Variants in VPS13B observed in about 807,000 individuals in gnomAD.
VPS13B encodes intermembrane lipid transfer protein VPS13B.
In VPS13B, 285 loss-of-function variants were observed where a neutral mutation model predicts 426.4. The observed-to-expected ratio is 0.67, with a 90% CI of 0.61 to 0.74. The LOEUF (loss-of-function observed/expected upper bound fraction) is 0.74, where lower values mean the gene tolerates loss of function less well. Among genes scored for constraint, VPS13B ranks in the 30% least tolerant of loss-of-function variants. The pLI is 0.00. For synonymous variants in VPS13B, 1,676 were observed against 1,676.4 expected (o/e 1.00, Z 0.01); for missense variants, 4,537 against 4,782.6 (o/e 0.95, Z 1.51).
chr8:99,577,491 A>G lies in VPS13B; in HGVS notation c.5078A>G (p.Glu1693Gly). The G allele has an allele frequency of 6.2e-7, 1 of 1,613,700 alleles. No individual in the cohort carries two copies. The highest frequency in any genetic ancestry group is 8.5e-7 in the Non-Finnish European group (1 of 1,179,686). The stretch of plus-strand genomic sequence containing the variant: ...TGTATTCTACCGTTTTTGCTTCAGG[A>G]GATTTTAGTGTGTGGCCATTCCTTA... ...VVSPENLHTEEILVCGHSLEV... is the reference protein window; with the variant it reads ...VVSPENLHTEGILVCGHSLEV... The change falls in exon 33 of 62, where the codon GAG becomes GGG. Residue 1693 changes from glutamate (E) to glycine (G), a missense_variant and splice_region_variant. This residue lies in a region of VPS13B where 4,311 missense variants were observed against 4,474.3 expected (regional missense o/e 0.96). Transcript: ENST00000357162.
At chr8:99,381,203 G>C (rs979962159) in intron 19 of VPS13B, among the ~76,000 whole-genome samples, 2 of 152,138 alleles carry the variant, frequency 1.3e-5, no homozygotes, top group African/African-American at 4.8e-5. Context: ...ATGGCCTCCA[G>C]CTTTATCCAT....
chr8:99,231,305 T>C (rs1339385792), intron 17 of VPS13B, among the ~76,000 whole-genome samples: 3 of 152,112 alleles, frequency 2.0e-5, no homozygotes, highest in Non-Finnish European at 4.4e-5. Context: ...ATTTCTTTTG[T>C]TGTTGTTGTT....
chr8:99,703,419 T>TA (rs1832364518), intron 36 of VPS13B, among the ~76,000 whole-genome samples: 1 of 152,152 alleles, frequency 6.6e-6, no homozygotes, highest in East Asian at 1.9e-4. Flanking sequence ...GAATCTTTGG[T>TA]AAAATGACCC....
chr8:99,414,328 G>A (rs1273955197), intron 21 of VPS13B, among the ~76,000 whole-genome samples: 1 of 151,368 alleles, frequency 6.6e-6, no homozygotes, highest in Non-Finnish European at 1.5e-5. Context: ...ACATGAGATG[G>A]GTCTCTTGAA....
At chr8:99,428,976 T>C (rs1387032402) in intron 21 of VPS13B, among the ~76,000 whole-genome samples, 1 of 152,176 alleles carries the variant, frequency 6.6e-6, no homozygotes, top group Non-Finnish European at 1.5e-5. Context: ...TCATGTCCTT[T>C]GTAGGGACAT....
At chr8:99,056,556 G>A (rs1404956729) in intron 3 of VPS13B, among the ~76,000 whole-genome samples, 1 of 152,198 alleles carries the variant, frequency 6.6e-6, no homozygotes, top group Non-Finnish European at 1.5e-5. Flanking sequence ...TTCTAGTACA[G>A]TGTTTAATAG....
chr8:99,612,906 C>A (rs1211275957), intron 33 of VPS13B, among the ~76,000 whole-genome samples: 1 of 152,132 alleles, frequency 6.6e-6, no homozygotes, highest in Non-Finnish European at 1.5e-5. Context: ...CTCCTGCTAT[C>A]TATTTGACTA....
intron 23 of VPS13B, among the ~76,000 whole-genome samples, chr8:99,444,071 A>C (rs1188909157): frequency 6.6e-6 from 1 of 150,930 alleles, no homozygotes; most frequent in Non-Finnish European, 1.5e-5. Flanking sequence ...GAGAGCAATT[A>C]ATTTTAAGTG....
chr8:99,227,905 C>G (rs1376138990), intron 17 of VPS13B, among the ~76,000 whole-genome samples: 7 of 152,136 alleles, frequency 4.6e-5, no homozygotes, highest in South Asian at 2.1e-4. Context: ...AGTTGTAACA[C>G]TATGCTGCTG....
At chr8:99,222,984 ACAC>A (rs1165977181) in intron 17 of VPS13B, among the ~76,000 whole-genome samples, 1 of 151,966 alleles carries the variant, frequency 6.6e-6, no homozygotes, top group Non-Finnish European at 1.5e-5. Flanking sequence ...TTACAGGTGC[ACAC>A]CACCATGCCC....
chr8:99,218,094 A>G (rs990055029), intron 17 of VPS13B, among the ~76,000 whole-genome samples: 1 of 152,208 alleles, frequency 6.6e-6, no homozygotes, highest in Non-Finnish European at 1.5e-5. Flanking sequence ...TTTTGATTAT[A>G]TCCAAATATG....
Position 99,868,426 on chromosome 8 carries a change from A to G in VPS13B, c.11353A>G (p.Ile3785Val), listed in dbSNP as rs1203445026. 1.2e-6 allele frequency: 2 copies of G among 1,613,994 alleles called. No homozygotes were observed. The highest frequency in any genetic ancestry group is 1.7e-6 in the Non-Finnish European group (2 of 1,179,960). Reference sequence around the variant, plus strand: ...AATCATGGGGGTGTTCACAAAGCCCATCGGAGGAGCTGCTGAGCTGGTGTC... The same window carrying G: ...AATCATGGGGGTGTTCACAAAGCCCGTCGGAGGAGCTGCTGAGCTGGTGTC... ...KGIMGVFTKP[I>V]GGAAELVSQT... Residue 3785 changes from isoleucine (I) to valine (V), a missense_variant, in exon 59 of 62, where the codon ATC becomes GTC. This residue lies in a region of VPS13B where 4,311 missense variants were observed against 4,474.3 expected (regional missense o/e 0.96). Coordinates refer to ENST00000357162, the MANE Select transcript of VPS13B (RefSeq NM_152564.5).
intron 25 of VPS13B, among the ~76,000 whole-genome samples, chr8:99,492,406 C>A (rs992802397): frequency 2.6e-5 from 4 of 152,206 alleles, no homozygotes; most frequent in African/African-American, 9.7e-5. Flanking sequence ...TTAGAGCTGT[C>A]AGACAGGGAC....
At chr8:99,049,933 T>G (rs1303064159) in intron 3 of VPS13B, among the ~76,000 whole-genome samples, 2 of 152,006 alleles carry the variant, frequency 1.3e-5, no homozygotes, top group African/African-American at 4.8e-5. Flanking sequence ...AGCTCTGAAG[T>G]TCTTTCTTCT....
At chr8:99,084,629 G>A (rs1162982801) in intron 3 of VPS13B, among the ~76,000 whole-genome samples, 1 of 152,146 alleles carries the variant, frequency 6.6e-6, no homozygotes, top group Non-Finnish European at 1.5e-5. Context: ...CTTTGAATGT[G>A]TCCCAGAGAT....
In VPS13B at chr8:99,718,443, C is replaced by T. The variant is rs188009642; in HGVS notation, c.6657+1070C>T. 2.1e-3 allele frequency among the ~76,000 whole-genome samples: 313 copies of T among 152,198 alleles called. 1 individual carries two copies. The highest frequency in any genetic ancestry group is 4.1e-3 in the Admixed American group (63 of 15,284). ...CTTGATAAATTAGTCACACTGCAAG[C>T]TCTTAATGCATTTGTCTTAACAGCC... On this transcript the variant is annotated intron_variant, in intron 37 of 61. Transcript: ENST00000357162.
At chr8:99,147,786 T>A (rs1306195992) in intron 13 of VPS13B, 55 bp from the exon 14 acceptor site, 2 of 1,203,386 alleles carry the variant, frequency 1.7e-6, no homozygotes, top group African/African-American at 3.1e-5. Flanking sequence ...TTTCAGTTGT[T>A]TAAGAATATT....
At chr8:99,496,851 A>AT (rs1388250120) in intron 25 of VPS13B, among the ~76,000 whole-genome samples, 1 of 151,936 alleles carries the variant, frequency 6.6e-6, no homozygotes, top group Non-Finnish European at 1.5e-5. Flanking sequence ...AATAAATGTG[A>AT]TTTTAAAGGA....
chr8:99,371,198 T>C (rs1415214819), intron 19 of VPS13B, among the ~76,000 whole-genome samples: 1 of 152,244 alleles, frequency 6.6e-6, no homozygotes, highest in Non-Finnish European at 1.5e-5. Context: ...CACAGTTTGT[T>C]GAACCAGTCC....
Sources: gnomAD v4.1 joint callset for allele counts (sites outside exome capture counted in the v4.1 genomes callset) on GRCh38, gnomAD v4.1.1 for gene constraint, gnomAD v4.1.1 regional missense constraint, MANE v1.5 for transcripts, NCBI Gene and HGNC (gene_info 2026-07-23, HGNC 2026-07-21) for gene names.